Variants in KANK1 observed in about 807,000 individuals in gnomAD.
The protein encoded by KANK1 is KN motif and ankyrin repeat domain-containing protein 1.
A neutral mutation model predicts 106.2 loss-of-function variants in KANK1; 109 were observed. The observed-to-expected ratio is 1.03, with a 90% CI of 0.88 to 1.20. The LOEUF (loss-of-function observed/expected upper bound fraction) is 1.20, where lower values mean the gene tolerates loss of function less well. Ranked by LOEUF, KANK1 falls within the 50% of genes most tolerant of loss-of-function variation. KANK1 has a pLI of 0.00. For synonymous variants in KANK1, 873 were observed against 652.2 expected (o/e 1.34, Z -5.16); for missense variants, 2,399 against 1,710.7 (o/e 1.40, Z -7.10).
At chr9:580,795 A>G (rs1284834421) in intron 1 of KANK1, among the ~76,000 whole-genome samples, 2 of 152,180 alleles carry the variant, frequency 1.3e-5, no homozygotes, top group Admixed American at 6.5e-5. Context: ...TGGGTAGTCA[A>G]TGGGATTGGG....
chr9:601,976 T>C (rs1451563807), intron 1 of KANK1, among the ~76,000 whole-genome samples: 1 of 151,894 alleles, frequency 6.6e-6, no homozygotes, highest in Non-Finnish European at 1.5e-5. Flanking sequence ...AGCTCTTTCC[T>C]GTGAACATGG....
At chr9:495,540 A>T (rs1334005435) in intron 3 of KANK1, 1 of 152,208 alleles carries the variant, frequency 6.6e-6, no homozygotes, top group Non-Finnish European at 1.5e-5. Flanking sequence ...ACGTTAAAAA[A>T]AAAAATCATG....
At chr9:523,845 C>T (rs926138806) in intron 1 of KANK1, among the ~76,000 whole-genome samples, 1 of 150,966 alleles carries the variant, frequency 6.6e-6, no homozygotes, top group Non-Finnish European at 1.5e-5. Flanking sequence ...CAAAAATTAA[C>T]CAGTATTATT....
chr9:618,400 G>T (rs1241198537), intron 1 of KANK1, among the ~76,000 whole-genome samples: 8 of 152,066 alleles, frequency 5.3e-5, no homozygotes, highest in Non-Finnish European at 1.0e-4. Context: ...TAGAGACAGG[G>T]TTTCACCATA....
At chr9:581,994 G>A (rs979834518) in intron 1 of KANK1, among the ~76,000 whole-genome samples, 19 of 152,174 alleles carry the variant, frequency 1.2e-4, no homozygotes, top group Non-Finnish European at 2.6e-4. Context: ...TTCTCCTCAA[G>A]AAGGTAAGCC....
rs191413741 is a variant in KANK1 at position 736,043 on chromosome 9, C to G, written c.3333+1208C>G. 5.3e-5 allele frequency among the ~76,000 whole-genome samples: 8 copies of G among 152,206 alleles called. No homozygotes were observed. In the East Asian group the frequency reaches 1.6e-3, roughly 30 times the overall value. On this transcript the variant is annotated intron_variant, in intron 7 of 11. Transcript: ENST00000382297. ...CGTGATCTCGGCTCACTGCAAGCTC[C>G]GCCTCCCGGGTTCGGGCCATTCTCC... is the stretch of plus-strand genomic sequence containing the variant.
chr9:627,078 A>G (rs1563886018), intron 1 of KANK1, among the ~76,000 whole-genome samples: 1 of 152,178 alleles, frequency 6.6e-6, no homozygotes, highest in Non-Finnish European at 1.5e-5. Flanking sequence ...GGGTTGGACA[A>G]CAGAGAATGA....
chr9:614,847 C>A (rs1032601989), intron 1 of KANK1, among the ~76,000 whole-genome samples: 1 of 152,112 alleles, frequency 6.6e-6, no homozygotes, highest in Admixed American at 6.6e-5. Context: ...TCACCTTAAA[C>A]TTCTGCTCAT....
intron 1 of KANK1, among the ~76,000 whole-genome samples, chr9:518,586 G>A (rs1372144405): frequency 6.6e-6 from 1 of 151,780 alleles, no homozygotes; most frequent in Non-Finnish European, 1.5e-5. Context: ...AAGAAATATT[G>A]ATATTGTCAT....
At chr9:678,284 A>C (rs1816806778) in intron 2 of KANK1, among the ~76,000 whole-genome samples, 2 of 152,150 alleles carry the variant, frequency 1.3e-5, no homozygotes, top group Admixed American at 6.5e-5. Flanking sequence ...TTCATTGAAC[A>C]CTTAAATGCA....
intron 2 of KANK1, among the ~76,000 whole-genome samples, chr9:696,597 A>G (rs949350287): frequency 1.3e-4 from 20 of 152,020 alleles, no homozygotes; most frequent in African/African-American, 4.6e-4. Flanking sequence ...AAGCTTGAAA[A>G]TTTCTCAGTA....
At chr9:663,704 C>G (rs1843899728) in intron 1 of KANK1, among the ~76,000 whole-genome samples, 1 of 152,134 alleles carries the variant, frequency 6.6e-6, no homozygotes, top group African/African-American at 2.4e-5. Context: ...TTTAAATGTT[C>G]AGGAAGCTGC....
intron 1 of KANK1, among the ~76,000 whole-genome samples, chr9:537,199 G>C (rs1490891190): frequency 1.3e-5 from 2 of 152,174 alleles, no homozygotes; most frequent in African/African-American, 4.8e-5. Flanking sequence ...AAGCTAAGCT[G>C]CGTTGATGCT....
At chr9:586,171 C>T (rs1374329061) in intron 1 of KANK1, among the ~76,000 whole-genome samples, 7 of 152,304 alleles carry the variant, frequency 4.6e-5, no homozygotes, top group Admixed American at 4.6e-4. Context: ...TTTGAGCAGA[C>T]ATACTTGTCT....
At chr9:618,792 T>G (rs967273795) in intron 1 of KANK1, among the ~76,000 whole-genome samples, 1 of 152,144 alleles carries the variant, frequency 6.6e-6, no homozygotes, top group African/African-American at 2.4e-5. Context: ...TCCTGCACAC[T>G]GGGTGAACAG....
chr9:627,201 C>G (rs1300189913), intron 1 of KANK1, among the ~76,000 whole-genome samples: 1 of 152,118 alleles, frequency 6.6e-6, no homozygotes, highest in Non-Finnish European at 1.5e-5. Flanking sequence ...ATTTTATGGA[C>G]AAGTCCATCC....
At chr9:660,260 C>T (rs1439990045) in intron 1 of KANK1, 4 of 239,666 alleles carry the variant, frequency 1.7e-5, no homozygotes, top group Non-Finnish European at 2.8e-5. Flanking sequence ...AGCACAAGAA[C>T]ATGTGCCAGT....
At chr9:559,064 T>C (rs1441958545) in intron 1 of KANK1, 1 of 152,194 alleles carries the variant, frequency 6.6e-6, no homozygotes, top group East Asian at 1.9e-4. Context: ...GTACTGTATT[T>C]TTTCATCTTT....
Position 547,616 on chromosome 9 carries a change from G to C in KANK1, c.-84+42862G>C, listed in dbSNP as rs972029078. Among the ~76,000 whole-genome samples the C allele has an allele frequency of 2.6e-5, 4 of 151,548 alleles. 1 individual carries two copies. Among genetic ancestry groups the C allele is most frequent in the African/African-American group, 4.8e-5 (2 of 41,402 alleles). ...ATTCCCTTCTGAATTACTCTATGCA[G>C]ATATATTTTAGGCCTCTTTCTATTA... On this transcript the variant is annotated intron_variant, in intron 1 of 11. Coordinates refer to ENST00000382297, the MANE Select transcript of KANK1 (RefSeq NM_015158.5).
Sources: gnomAD v4.1 joint callset for allele counts (sites outside exome capture counted in the v4.1 genomes callset) on GRCh38, gnomAD v4.1.1 for gene constraint, MANE v1.5 for transcripts, NCBI Gene and HGNC (gene_info 2026-07-23, HGNC 2026-07-21) for gene names.